The following PCDHGA3 variants were observed in gnomAD, a reference collection of about 807,000 sequenced individuals.
PCDHGA3 encodes the protein protocadherin gamma-A3.
In PCDHGA3, 40 loss-of-function variants were observed where a neutral mutation model predicts 58.5. The observed-to-expected ratio is 0.68, with a 90% CI of 0.53 to 0.89. The LOEUF is 0.89. Among genes scored for constraint, PCDHGA3 ranks in the 40% least tolerant of loss-of-function variants. The pLI, the probability that PCDHGA3 is intolerant of heterozygous loss-of-function variation, is 0.00. For missense variants in PCDHGA3, 1,223 were observed against 1,195.9 expected, an observed-to-expected ratio of 1.02 and a Z score of -0.33; for synonymous variants, 530 against 525.7, an observed-to-expected ratio of 1.01 and a Z score of -0.11.
At chr5:141,409,680 C>G (rs756713114) in intron 1 of PCDHGA3, 1 of 1,613,360 alleles carries the variant, frequency 6.2e-7, no homozygotes, top group Non-Finnish European at 8.5e-7. Context: ...TCTATAGTGG[C>G]GAGTGACCTA....
chr5:141,389,330 C>T, intron 1 of PCDHGA3: 1 of 1,614,000 alleles, frequency 6.2e-7, no homozygotes. Context: ...TGGGGCCCAA[C>T]GGCCAAGTCT....
intron 1 of PCDHGA3, chr5:141,400,163 ACC>A (rs2093974471): frequency 6.2e-7 from 1 of 1,613,712 alleles, no homozygotes. Context: ...GTACCCTCTG[ACC>A]CCCAGGCTGA....
At chr5:141,361,580 G>C in intron 1 of PCDHGA3, 1 of 1,614,034 alleles carries the variant, frequency 6.2e-7, no homozygotes, top group African/African-American at 1.3e-5. Flanking sequence ...CCTGACTTGG[G>C]CCCCAGTGGC....
intron 1 of PCDHGA3, among the ~76,000 whole-genome samples, chr5:141,454,538 C>G (rs1229435473): frequency 6.6e-6 from 1 of 152,110 alleles, no homozygotes; most frequent in African/African-American, 2.4e-5. Context: ...TCCCAAGTAG[C>G]TGAGATTACA....
intron 1 of PCDHGA3, chr5:141,351,809 G>C (rs1758832270): frequency 6.2e-7 from 1 of 1,613,174 alleles, no homozygotes; most frequent in Non-Finnish European, 8.5e-7. Context: ...GCGCGCCTTC[G>C]ACCACGAGCA....
At chr5:141,376,514 T>C in intron 1 of PCDHGA3, 1 of 1,613,998 alleles carries the variant, frequency 6.2e-7, no homozygotes, top group Non-Finnish European at 8.5e-7. Context: ...TCAGGTGAGT[T>C]TCTTTCCGCC....
chr5:141,433,140 C>T (rs1394486228), intron 1 of PCDHGA3: 4 of 1,613,948 alleles, frequency 2.5e-6, no homozygotes, highest in African/African-American at 1.3e-5. Flanking sequence ...CTTTTGCTGT[C>T]AGGTGATTCG....
chr5:141,358,018 A>G (rs753079892), intron 1 of PCDHGA3, among the ~76,000 whole-genome samples: 4 of 152,092 alleles, frequency 2.6e-5, no homozygotes, highest in African/African-American at 4.8e-5. Context: ...GGTGAAACCC[A>G]GTCTCTACTA....
At position 141,486,923 on chromosome 5, in the gene PCDHGA3, G is replaced by A. The variant is rs1377159895; in HGVS notation, c.2425-7884G>A. ...ATGTCCCCAAGCACTGCCTCCATCAGTTGGTGCTGGCCACCTAATCACAAA... is the reference window on the plus strand; with the variant it reads ...ATGTCCCCAAGCACTGCCTCCATCAATTGGTGCTGGCCACCTAATCACAAA... On this transcript the variant is annotated intron_variant, in intron 1 of 3. Transcript: ENST00000253812. This position sits in a 1 kb window ranked among gnomAD's most constrained non-coding sequence, Gnocchi z 5.0. 6.2e-7 allele frequency: 1 copy of A among 1,614,252 alleles called. No individual in the cohort carries two copies. Among genetic ancestry groups the A allele is most frequent in the Admixed American group, 1.7e-5 (1 of 60,028 alleles).
chr5:141,361,937 A>C (rs1168023930), intron 1 of PCDHGA3: 1 of 1,605,822 alleles, frequency 6.2e-7, no homozygotes, highest in Admixed American at 1.7e-5. Flanking sequence ...TCAGGACACA[A>C]CGCTTGGCTG....
chr5:141,465,030 C>T (rs922114985), intron 1 of PCDHGA3, among the ~76,000 whole-genome samples: 2 of 152,086 alleles, frequency 1.3e-5, no homozygotes, highest in Non-Finnish European at 1.5e-5. Context: ...CCATGAACCA[C>T]CACAAATGAC....
intron 1 of PCDHGA3, chr5:141,423,696 T>A: frequency 4.0e-6 from 6 of 1,492,822 alleles, no homozygotes; most frequent in Non-Finnish European, 5.3e-6. Flanking sequence ...ATTGTTGGTG[T>A]CTTGGCACAA....
At chr5:141,382,874 GC>G in intron 1 of PCDHGA3, 1 of 1,523,072 alleles carries the variant, frequency 6.6e-7, no homozygotes, top group Non-Finnish European at 8.8e-7. Context: ...CGAGATCGGC[GC>G]CTAAGCAAGA....
chr5:141,477,219 G>A lies in PCDHGA3; in HGVS notation c.2425-17588G>A. ...CCAGTACCCGAGGATGCCCCTCTGG[G>A]GACTGTCATCGCTTTGCTCAGTGTG... On this transcript the variant is annotated intron_variant, in intron 1 of 3. Coordinates refer to ENST00000253812, the MANE Select transcript of PCDHGA3 (RefSeq NM_018916.4). The surrounding 1 kb of genome is among the most constrained non-coding windows in gnomAD (Gnocchi z 4.9). 1 of 1,614,162 alleles carries A rather than the reference G, an allele frequency of 6.2e-7. No homozygotes were observed. The highest frequency in any genetic ancestry group is 8.5e-7 in the Non-Finnish European group (1 of 1,180,038).
chr5:141,355,443 C>A (rs1373026083), intron 1 of PCDHGA3: 1 of 1,614,076 alleles, frequency 6.2e-7, no homozygotes, highest in Non-Finnish European at 8.5e-7. Context: ...ACCCGCGCAG[C>A]GGCACCTTGG....
chr5:141,357,109 G>T, intron 1 of PCDHGA3: 1 of 1,613,832 alleles, frequency 6.2e-7, no homozygotes, highest in Non-Finnish European at 8.5e-7. Context: ...GGACAGAGAC[G>T]CGCTCAAGCA....
rs761148064 is a variant in PCDHGA3 at position 141,344,158 on chromosome 5, G to C, written c.125G>C (p.Gly42Ala). The C allele has an allele frequency of 4.3e-6, 7 of 1,613,912 alleles. No individual in the cohort carries two copies. The highest frequency in any genetic ancestry group is 5.1e-6 in the Non-Finnish European group (6 of 1,179,910). ...TCGGTGTCTGAGGAGCTAGATAAAGGTTCCTTCGTGGGCAACATCGCTAAC... is the reference window on the plus strand; with the variant it reads ...TCGGTGTCTGAGGAGCTAGATAAAGCTTCCTTCGTGGGCAACATCGCTAAC... The part of the protein sequence containing the change: ...RYSVSEELDK[G>A]SFVGNIANDL... The change falls in exon 1 of 4, where the codon GGT becomes GCT. Residue 42 changes from glycine to alanine, a missense_variant. Gly to Ala is a moderately conservative substitution (Grantham distance 60). Coordinates refer to ENST00000253812, the MANE Select transcript of PCDHGA3 (RefSeq NM_018916.4).
chr5:141,461,409 A>ATATGTTTGT (rs1491521215), intron 1 of PCDHGA3, among the ~76,000 whole-genome samples: 2 of 151,810 alleles, frequency 1.3e-5, no homozygotes, highest in Non-Finnish European at 2.9e-5. Context: ...GCATTTTTTC[A>ATATGTTTGT]TATGTTTGTG....
At chr5:141,447,675 C>T (rs1416110491) in intron 1 of PCDHGA3, among the ~76,000 whole-genome samples, 13 of 152,064 alleles carry the variant, frequency 8.5e-5, no homozygotes, top group Admixed American at 8.5e-4. Context: ...TAGAACTGTT[C>T]CATATCTTGA....
Sources: gnomAD v4.1 joint callset for allele counts (sites outside exome capture counted in the v4.1 genomes callset) on GRCh38, gnomAD v4.1.1 for gene constraint, Gnocchi (gnomAD v3.1) non-coding constraint, MANE v1.5 for transcripts, NCBI Gene and HGNC (gene_info 2026-07-23, HGNC 2026-07-21) for gene names.